The following PSD3 variants were observed in gnomAD, a reference collection of about 807,000 sequenced individuals.
PSD3 encodes PH and SEC7 domain-containing protein 3.
PSD3 carries 49 observed loss-of-function variants against 105.5 expected under a neutral mutation model. The observed-to-expected ratio is 0.46, with a 90% confidence interval of 0.37 to 0.59. The LOEUF (loss-of-function observed/expected upper bound fraction) is 0.59, where lower values mean the gene tolerates loss of function less well. Among genes scored for constraint, PSD3 ranks in the 20% least tolerant of loss-of-function variants. The pLI is 0.00. For missense variants in PSD3, 1,561 were observed against 1,263.8 expected (o/e 1.24, Z -3.57); for synonymous variants, 557 against 457.8 (o/e 1.22, Z -2.77).
chr8:18,957,426 T>G (rs770684535), intron 1 of PSD3, among the ~76,000 whole-genome samples: 2 of 151,096 alleles, frequency 1.3e-5, no homozygotes, highest in Non-Finnish European at 2.9e-5. Flanking sequence ...CTGTACAATG[T>G]GAGCAATGAC....
intron 9 of PSD3, among the ~76,000 whole-genome samples, chr8:18,668,324 T>C (rs1482752775): frequency 6.6e-6 from 1 of 152,262 alleles, no homozygotes; most frequent in African/African-American, 2.4e-5. Flanking sequence ...TTTTGATTTA[T>C]AGACAAACTT....
intron 1 of PSD3, among the ~76,000 whole-genome samples, chr8:19,042,246 T>C (rs889530949): frequency 2.0e-5 from 3 of 152,200 alleles, no homozygotes; most frequent in Admixed American, 6.5e-5. Context: ...GGATATCAAA[T>C]GCCAGTGTGA....
chr8:18,868,011 A>T lies in PSD3; in HGVS notation c.1297T>A (p.Tyr433Asn). Reference sequence around the variant, plus strand: ...TACACGTCGGTGGAGTCCTCCGTATATCCAGGCCCAAGGATGTCTTCATCT... The same window carrying T: ...TACACGTCGGTGGAGTCCTCCGTATTTCCAGGCCCAAGGATGTCTTCATCT... Reference protein sequence around the residue: ...GEDEDILGPGYTEDSTDVYSS... With the variant: ...GEDEDILGPGNTEDSTDVYSS... The change falls in exon 4 of 16, where the codon TAT becomes AAT. Residue 433 changes from tyrosine to asparagine, a missense_variant. By Grantham distance (143) the Tyr-to-Asn change is moderately radical. Coordinates refer to ENST00000327040, the MANE Select transcript of PSD3 (RefSeq NM_015310.4). The T allele has an allele frequency of 6.2e-7, 1 of 1,614,056 alleles. No homozygotes were observed. The highest frequency in any genetic ancestry group is 8.5e-7 in the Non-Finnish European group (1 of 1,179,980).
rs1377164723 is a variant in PSD3, at chr8:18,606,801, A to G, written c.2411-6367T>C. Among the ~76,000 whole-genome samples the G allele has an allele frequency of 2.0e-5, 3 of 152,304 alleles. No homozygotes were observed. In the East Asian group the frequency reaches 5.8e-4, roughly 29 times the overall value. On this transcript the variant is annotated intron_variant, in intron 11 of 15. Transcript: ENST00000327040. ...AGGAAAGGGAAAGGCATTAACATTA[A>G]CTAAGCACCTACACTGCAGCACTCT...
intron 9 of PSD3, among the ~76,000 whole-genome samples, chr8:18,726,496 A>C (rs1163030862): frequency 6.6e-6 from 1 of 152,160 alleles, no homozygotes; most frequent in Non-Finnish European, 1.5e-5. Flanking sequence ...TCAAACCCTA[A>C]ATATAGAGGT....
At chr8:18,736,748 T>A (rs567410476) in intron 9 of PSD3, among the ~76,000 whole-genome samples, 2 of 152,220 alleles carry the variant, frequency 1.3e-5, no homozygotes, top group Non-Finnish European at 2.9e-5. Context: ...GAGGTAACTT[T>A]GCTGAATCAT....
chr8:18,718,826 C>G (rs1363373027), intron 9 of PSD3, among the ~76,000 whole-genome samples: 1 of 152,026 alleles, frequency 6.6e-6, no homozygotes. Context: ...TGCAAAAAAA[C>G]CCCACCTAAA....
At position 18,596,453 on chromosome 8, in the gene PSD3, G is replaced by A. The variant is rs577525090; in HGVS notation, c.2481+3911C>T. Among the ~76,000 whole-genome samples the A allele has an allele frequency of 2.9e-4, 44 of 151,814 alleles. 1 individual carries two copies. The South Asian group carries it at 9.0e-3, about 31-fold the overall frequency. On this transcript the variant is annotated intron_variant, in intron 12 of 15. Transcript: ENST00000327040. ...CAGGAAAGACACAGTAAAGATTAGA[G>A]CAGAAATAAATGAAATAGAGAAATG...
At chr8:18,970,387 T>A (rs902902650) in intron 1 of PSD3, among the ~76,000 whole-genome samples, 9 of 139,712 alleles carry the variant, frequency 6.4e-5, no homozygotes, top group Non-Finnish European at 6.2e-5. Context: ...TCCCCCAATA[T>A]ATCTAATTAC....
chr8:18,705,422 T>G (rs1200072027), intron 9 of PSD3, among the ~76,000 whole-genome samples: 1 of 151,150 alleles, frequency 6.6e-6, no homozygotes, highest in East Asian at 2.0e-4. Context: ...TCTTAGCTAC[T>G]TGGGAGGCTG....
At chr8:19,029,828 A>T (rs1405145603) in intron 1 of PSD3, among the ~76,000 whole-genome samples, 3 of 152,128 alleles carry the variant, frequency 2.0e-5, no homozygotes, top group Non-Finnish European at 4.4e-5. Flanking sequence ...TTCACTAATA[A>T]ATTTTATTTT....
At chr8:18,946,268 A>G (rs34928360) in intron 1 of PSD3, among the ~76,000 whole-genome samples, 19,481 of 152,106 alleles carry the variant, frequency 0.13, 1,381 homozygotes, top group Non-Finnish European at 0.17. Flanking sequence ...CATGTGTAGC[A>G]TTTTTTTCCT....
At chr8:18,681,920 T>C (rs1800410537) in intron 9 of PSD3, among the ~76,000 whole-genome samples, 1 of 152,086 alleles carries the variant, frequency 6.6e-6, no homozygotes, top group Non-Finnish European at 1.5e-5. Context: ...ACTATAATCT[T>C]TAAGGTATCA....
rs1315153363 is a variant in PSD3 at position 18,910,935 on chromosome 8, AAAAAT to A, written c.130+25094_130+25098del. Among the ~76,000 whole-genome samples the A allele has an allele frequency of 7.3e-5, 11 of 150,966 alleles. No individual in the cohort carries two copies. In the South Asian group the frequency reaches 1.2e-3, roughly 17 times the overall value. ...GACTCTGTCTCTACATAAAATTCAA[AAAAAT>A]AAAAAAAAAAAAAATAAGTTAGCCA... On this transcript the variant is annotated intron_variant, in intron 2 of 15. Transcript: ENST00000327040.
intron 13 of PSD3, among the ~76,000 whole-genome samples, chr8:18,574,694 T>G (rs1040570535): frequency 6.6e-6 from 1 of 152,208 alleles, no homozygotes; most frequent in Non-Finnish European, 1.5e-5. Flanking sequence ...CTTATCTCAC[T>G]GACTTCTCAC....
At chr8:18,783,437 T>A (rs1441583518) in intron 8 of PSD3, among the ~76,000 whole-genome samples, 1 of 150,030 alleles carries the variant, frequency 6.7e-6, no homozygotes, top group Non-Finnish European at 1.5e-5. Context: ...TCTCTATTAC[T>A]CTTCTATTCT....
intron 1 of PSD3, among the ~76,000 whole-genome samples, chr8:19,065,171 T>G (rs1829035619): frequency 6.6e-6 from 1 of 152,226 alleles, no homozygotes; most frequent in African/African-American, 2.4e-5. Flanking sequence ...GTCTGCTTTC[T>G]TCCATCTTTT....
intron 1 of PSD3, among the ~76,000 whole-genome samples, chr8:18,956,477 T>G (rs1823582022): frequency 6.6e-6 from 1 of 152,138 alleles, no homozygotes; most frequent in African/African-American, 2.4e-5. Context: ...CTAAAAAGTT[T>G]CCAATGTCAG....
At chr8:18,801,434 A>G (rs1586048176) in intron 6 of PSD3, 52 bp from the exon 7 acceptor site, 1 of 995,058 alleles carries the variant, frequency 1.0e-6, no homozygotes, top group South Asian at 1.4e-5. Flanking sequence ...ATGCTATCAC[A>G]CTCTTTCATA....
Sources: gnomAD v4.1 joint callset for allele counts (sites outside exome capture counted in the v4.1 genomes callset) on GRCh38, gnomAD v4.1.1 for gene constraint, MANE v1.5 for transcripts, NCBI Gene and HGNC (gene_info 2026-07-23, HGNC 2026-07-21) for gene names.